FRAS1: variants seen among roughly 807,000 people sequenced by gnomAD.
The protein encoded by FRAS1 is Fraser extracellular matrix complex subunit 1, also known as extracellular matrix organizing protein FRAS1.
In FRAS1, 290 loss-of-function variants were observed where a neutral mutation model predicts 435.2. The observed-to-expected ratio is 0.67, with a 90% CI of 0.61 to 0.73. The LOEUF (loss-of-function observed/expected upper bound fraction) is 0.73, where lower values mean the gene tolerates loss of function less well. Among genes scored for constraint, FRAS1 ranks in the 30% least tolerant of loss-of-function variants. The pLI is 0.00. For missense variants in FRAS1, 4,860 were observed against 5,001.5 expected, an observed-to-expected ratio of 0.97 and a Z score of 0.85; for synonymous variants, 1,800 against 1,851.0, an observed-to-expected ratio of 0.97 and a Z score of 0.71.
intron 2 of FRAS1, among the ~76,000 whole-genome samples, chr4:78,149,669 T>A (rs1315715149): frequency 6.6e-6 from 1 of 152,222 alleles, no homozygotes; most frequent in Non-Finnish European, 1.5e-5. Flanking sequence ...AACGGCTAAG[T>A]GGGATTCCAT....
At chr4:78,325,220 C>A (rs1252471077) in intron 18 of FRAS1, among the ~76,000 whole-genome samples, 2 of 152,104 alleles carry the variant, frequency 1.3e-5, no homozygotes, top group Non-Finnish European at 2.9e-5. Context: ...CTGCACAGAG[C>A]AAAATTGCAC....
At chr4:78,064,310 T>C (rs1196421677) in intron 1 of FRAS1, among the ~76,000 whole-genome samples, 2 of 86,430 alleles carry the variant, frequency 2.3e-5, no homozygotes, top group African/African-American at 1.1e-4. Flanking sequence ...AATAAATTCC[T>C]TTTTTCATAT....
chr4:78,367,156 C>G (rs4859927), intron 22 of FRAS1, among the ~76,000 whole-genome samples: 25,516 of 152,040 alleles, frequency 0.17, 2,739 homozygotes, highest in East Asian at 0.33. Context: ...TGTAATCCCA[C>G]CACTTAGGGA....
At chr4:78,490,743 A>G (rs959321822) in intron 59 of FRAS1, among the ~76,000 whole-genome samples, 4 of 152,194 alleles carry the variant, frequency 2.6e-5, no homozygotes, top group Non-Finnish European at 5.9e-5. Flanking sequence ...AATTAAAAGA[A>G]CTAGAGAAGC....
intron 44 of FRAS1, 40 bp from the exon 45 acceptor site, chr4:78,450,111 A>G: frequency 1.3e-6 from 2 of 1,523,428 alleles, no homozygotes; most frequent in Non-Finnish European, 1.8e-6. Context: ...TTCAAAGGAA[A>G]TGTTGGGGAA....
intron 2 of FRAS1, among the ~76,000 whole-genome samples, chr4:78,129,765 G>C (rs1719591583): frequency 6.6e-6 from 1 of 152,094 alleles, no homozygotes; most frequent in South Asian, 2.1e-4. Flanking sequence ...AACTCTCAGT[G>C]GTCCCTCATT....
chr4:78,277,771 C>T (rs1476446463), intron 9 of FRAS1, among the ~76,000 whole-genome samples: 1 of 151,854 alleles, frequency 6.6e-6, no homozygotes, highest in Non-Finnish European at 1.5e-5. Context: ...TAAATATCTA[C>T]CCTGCAAACG....
At chr4:78,465,553 A>C (rs1719501690) in intron 49 of FRAS1, among the ~76,000 whole-genome samples, 1 of 152,232 alleles carries the variant, frequency 6.6e-6, no homozygotes, top group Non-Finnish European at 1.5e-5. Context: ...CCAGAAATAC[A>C]AAGGCACTGT....
intron 34 of FRAS1, 139 bp from the exon 35 acceptor site, chr4:78,424,241 ATGACCTGG>A (rs1733912285): frequency 2.3e-6 from 1 of 441,042 alleles, no homozygotes; most frequent in South Asian, 7.1e-5. Flanking sequence ...ACATTAGCAA[ATGACCTGG>A]TGATCTTTCC....
At chr4:78,411,364 G>A (rs1315041305) in intron 31 of FRAS1, among the ~76,000 whole-genome samples, 5 of 151,976 alleles carry the variant, frequency 3.3e-5, no homozygotes, top group Admixed American at 6.6e-5. Context: ...CGCCCACCTC[G>A]GCCTCCCAAA....
At chr4:78,442,921 T>G (rs1734714792) in intron 41 of FRAS1, among the ~76,000 whole-genome samples, 1 of 152,208 alleles carries the variant, frequency 6.6e-6, no homozygotes, top group Non-Finnish European at 1.5e-5. Flanking sequence ...AATATTGGTA[T>G]AAATGTGAAA....
chr4:78,321,541 C>T (rs183959289), intron 18 of FRAS1, among the ~76,000 whole-genome samples: 1 of 152,102 alleles, frequency 6.6e-6, no homozygotes, highest in African/African-American at 2.4e-5. Context: ...TATACAGGCA[C>T]CTTTAAAAAG....
Position 78,507,455 on chromosome 4 carries a change from G to C in FRAS1, c.9351G>C (p.Leu3117=), listed in dbSNP as rs1408952500. 1.2e-6 allele frequency: 2 copies of C among 1,612,112 alleles called. No individual in the cohort carries two copies. Among genetic ancestry groups the C allele is most frequent in the African/African-American group, 1.3e-5 (1 of 74,814 alleles). The change falls in exon 62 of 74, where the codon CTG becomes CTC. Residue 3117 remains leucine (L), a synonymous_variant. Transcript: ENST00000512123. ...ATATCTTTTTTAAAGTTGAGATCCTGTCCAATGAAGACCGGGAATGGCATG... is the reference window on the plus strand; with the variant it reads ...ATATCTTTTTTAAAGTTGAGATCCTCTCCAATGAAGACCGGGAATGGCATG... ...VDHIFFKVEI[L]SNEDREWHES...
chr4:78,409,611 C>T (rs1325151184), intron 31 of FRAS1, among the ~76,000 whole-genome samples: 1 of 152,182 alleles, frequency 6.6e-6, no homozygotes, highest in African/African-American at 2.4e-5. Flanking sequence ...AGGCAGACCT[C>T]TGGCGAGCAT....
chr4:78,104,136 T>A (rs1452910199), intron 2 of FRAS1, among the ~76,000 whole-genome samples: 2 of 152,216 alleles, frequency 1.3e-5, no homozygotes, highest in East Asian at 3.8e-4. Flanking sequence ...CTTCCAGGAA[T>A]GTTTGTGGCA....
chr4:78,493,306 A>G (rs1384729805), intron 59 of FRAS1, among the ~76,000 whole-genome samples: 1 of 152,244 alleles, frequency 6.6e-6, no homozygotes, highest in Non-Finnish European at 1.5e-5. Context: ...ATTACTGGGT[A>G]TATACCCAAA....
chr4:78,145,373 A>T (rs1305217898), intron 2 of FRAS1, among the ~76,000 whole-genome samples: 1 of 152,216 alleles, frequency 6.6e-6, no homozygotes, highest in Admixed American at 6.5e-5. Flanking sequence ...ATACATATAC[A>T]AGCCAAGAGC....
intron 52 of FRAS1, among the ~76,000 whole-genome samples, chr4:78,472,836 T>C (rs564379848): frequency 6.6e-6 from 1 of 152,294 alleles, no homozygotes; most frequent in African/African-American, 2.4e-5. Flanking sequence ...CTTGTCAGGC[T>C]CCTCTAGACT....
At chr4:78,429,011 A>G (rs1278102844) in intron 35 of FRAS1, 84 bp from the exon 36 acceptor site, 1 of 1,431,748 alleles carries the variant, frequency 7.0e-7, no homozygotes, top group African/African-American at 1.4e-5. Context: ...AGAGGACCAG[A>G]CTACAAGTTG....
Sources: allele counts gnomAD v4.1 joint callset (sites outside exome capture counted in the v4.1 genomes callset), GRCh38; gene constraint gnomAD v4.1.1; transcripts MANE v1.5; gene names NCBI Gene and HGNC (gene_info 2026-07-23, HGNC 2026-07-21).